Variants in SIGLEC9 observed in about 807,000 individuals in gnomAD.
SIGLEC9 encodes sialic acid-binding Ig-like lectin 9.
SIGLEC9 carries 26 observed loss-of-function variants against 38.3 expected under a neutral mutation model. The observed-to-expected ratio is 0.68, with a 90% CI of 0.50 to 0.94. The LOEUF is 0.94. SIGLEC9 is among the 40% of genes least tolerant of loss of function. The pLI is 0.00. For missense variants in SIGLEC9, 556 were observed against 585.7 expected, an observed-to-expected ratio of 0.95 and a Z score of 0.52; for synonymous variants, 236 against 248.0, an observed-to-expected ratio of 0.95 and a Z score of 0.45.
chr19:51,123,283 T>C (rs574611377), upstream of SIGLEC9, among the ~76,000 whole-genome samples: 6 of 152,260 alleles, frequency 3.9e-5, no homozygotes, highest in East Asian at 9.6e-4. Flanking sequence ...AGCTGTCCTG[T>C]CCCGCCTGAG....
At chr19:51,132,656 C>G (rs761378271), downstream of SIGLEC9, among the ~76,000 whole-genome samples, 1 of 152,208 alleles carries the variant, frequency 6.6e-6, no homozygotes, top group Non-Finnish European at 1.5e-5. Flanking sequence ...CGCCGCATCC[C>G]GCTCAGCTGG....
downstream of SIGLEC9, among the ~76,000 whole-genome samples, chr19:51,131,841 G>A (rs1030720177): frequency 5.3e-5 from 8 of 152,020 alleles, no homozygotes; most frequent in Non-Finnish European, 1.0e-4. Flanking sequence ...GCTTGAACCC[G>A]GGAGGCGGAG....
At chr19:51,136,071 A>G (rs2122865414) in exon 7 of SIGLEC9, 1 of 703,766 alleles carries the variant, frequency 1.4e-6, no homozygotes, top group Middle Eastern at 2.3e-4. Flanking sequence ...TATGTCTATC[A>G]TTTCAGTCAT....
chr19:51,120,787 G>T, upstream of SIGLEC9: 1 of 165,666 alleles, frequency 6.0e-6, no homozygotes, highest in Middle Eastern at 2.5e-3. This position sits in a 1 kb window ranked among gnomAD's most constrained non-coding sequence, Gnocchi z 4.1. Flanking sequence ...GGACCCCCAT[G>T]CCCAGGGCCC....
upstream of SIGLEC9, chr19:51,123,032 G>A (rs926022757): frequency 2.6e-5 from 4 of 152,506 alleles, no homozygotes; most frequent in African/African-American, 9.6e-5. Flanking sequence ...GAGGGGTGGA[G>A]GCCTGGGAAC....
At chr19:51,134,424 T>A (rs2092032834), downstream of SIGLEC9, among the ~76,000 whole-genome samples, 1 of 152,320 alleles carries the variant, frequency 6.6e-6, no homozygotes, top group African/African-American at 2.4e-5. Flanking sequence ...CCCAAAGTGC[T>A]GGGATTACAG....
At chr19:51,125,562 T>TTGGG in intron 1 of SIGLEC9, 35 bp from the exon 2 acceptor site, 1 of 1,605,380 alleles carries the variant, frequency 6.2e-7, no homozygotes, top group Non-Finnish European at 8.5e-7. Context: ...CCATGGATCC[T>TTGGG]CTGACCTGAT....
chr19:51,136,060 C>A lies in SIGLEC9; in HGVS notation c.1302C>A (p.Phe434Leu), dbSNP rs760104087. Reference sequence around the variant, plus strand: ...TTTGTTGCCATCCAGATTCTGAATTCTATGTCTATCATTTCAGTCATTTCA... The same window carrying A: ...TTTGTTGCCATCCAGATTCTGAATTATATGTCTATCATTTCAGTCATTTCA... Residue 434 changes from phenylalanine to leucine, a missense_variant, in exon 7 of 7, where the codon TTC (phenylalanine) becomes TTA (leucine). Physicochemically the swap from Phe to Leu is conservative, Grantham distance 22. Transcript: ENST00000440804. The A allele has an allele frequency of 3.1e-5, 22 of 703,828 alleles. 2 individuals carry two copies. Among genetic ancestry groups the A allele is most frequent in the Admixed American group, 4.0e-5 (2 of 50,008 alleles). 43.6% of individuals were successfully genotyped at this position (703,828 alleles called of 1,614,324 possible). A position where few individuals can be genotyped will look rare whatever the true frequency, so the allele number is the denominator to read the frequency against.
upstream of SIGLEC9, chr19:51,124,796 G>A: frequency 1.3e-6 from 1 of 763,214 alleles, no homozygotes; most frequent in Non-Finnish European, 2.1e-6. Context: ...GGATCTCCCA[G>A]GGCTGACCCG....
downstream of SIGLEC9, among the ~76,000 whole-genome samples, chr19:51,134,147 CTTTTTT>C (rs71185802): frequency 2.0e-4 from 13 of 66,522 alleles, no homozygotes; most frequent in South Asian, 2.4e-3. Flanking sequence ...TCTTTCTTTT[CTTTTTT>C]TTTTTTTTTT....
In SIGLEC9 at chr19:51,130,167, C is replaced by T; in HGVS notation, c.*88C>T. 1 of 1,501,684 alleles carries T rather than the reference C, an allele frequency of 6.7e-7. No homozygotes were observed. Among genetic ancestry groups the T allele is most frequent in the Non-Finnish European group, 8.9e-7 (1 of 1,127,402 alleles). The allele number at this position is 1,501,684 out of a possible 1,614,324, so 93.0% of individuals were successfully genotyped here. On this transcript the variant is annotated 3_prime_UTR_variant, in exon 7 of 7. Coordinates refer to ENST00000250360, the MANE Select transcript of SIGLEC9 (RefSeq NM_014441.3). ...AGGCTGATTCTTGTAGAATTAACAG[C>T]CCTCAACGTGATGAGCTATGATAAC...
upstream of SIGLEC9, chr19:51,124,804 C>G (rs558016279): frequency 2.2e-4 from 181 of 817,046 alleles, no homozygotes; most frequent in East Asian, 4.7e-3. Flanking sequence ...CAGGGCTGAC[C>G]CGGGCCTGAC....
chr19:51,132,936 G>A (rs2092024737), downstream of SIGLEC9, among the ~76,000 whole-genome samples: 1 of 151,814 alleles, frequency 6.6e-6, no homozygotes, highest in African/African-American at 2.4e-5. Flanking sequence ...GGTAATCCCT[G>A]TCAAAATTCC....
At chr19:51,122,438 T>G, upstream of SIGLEC9, among the ~76,000 whole-genome samples, 1 of 151,914 alleles carries the variant, frequency 6.6e-6, no homozygotes, top group Non-Finnish European at 1.5e-5. This position sits in a 1 kb window ranked among gnomAD's most constrained non-coding sequence, Gnocchi z 4.1. Flanking sequence ...AAAATTAACC[T>G]GGCGTGGCGG....
upstream of SIGLEC9, among the ~76,000 whole-genome samples, chr19:51,124,708 A>G (rs989627662): frequency 1.3e-5 from 2 of 151,792 alleles, no homozygotes; most frequent in Non-Finnish European, 1.5e-5. Context: ...TGGGCCCTGC[A>G]TGGGGTGGGA....
chr19:51,135,073 T>C (rs1003241096), downstream of SIGLEC9, among the ~76,000 whole-genome samples: 4 of 152,230 alleles, frequency 2.6e-5, no homozygotes, highest in African/African-American at 9.6e-5. Context: ...TATTGATATG[T>C]CAATATTGAG....
chr19:51,136,152 ATG>A lies in SIGLEC9; in HGVS notation c.1398_1399del (p.Ser467ArgfsTer17). 1 of 703,628 alleles carries A rather than the reference ATG, an allele frequency of 1.4e-6. No individual in the cohort carries two copies. The highest frequency in any genetic ancestry group is 2.6e-6 in the Non-Finnish European group (1 of 385,008). 43.6% of individuals were successfully genotyped at this position (703,628 alleles called of 1,614,324 possible). A position where few individuals can be genotyped will look rare whatever the true frequency, so the allele number is the denominator to read the frequency against. ...GAAGGTAAAATACTCTGGCTTTTGG[ATG>A]TGTCAGATTTCTTTCACTGGTTCTT... is the stretch of plus-strand genomic sequence containing the variant. On this transcript the variant is annotated frameshift_variant, in exon 7 of 7. Transcript: ENST00000440804. LOFTEE classifies it high-confidence loss of function.
At chr19:51,123,713 G>A (rs2091957375), upstream of SIGLEC9, among the ~76,000 whole-genome samples, 1 of 152,132 alleles carries the variant, frequency 6.6e-6, no homozygotes, top group Non-Finnish European at 1.5e-5. Context: ...CTCTAAGCAT[G>A]TTCATATGTG....
chr19:51,128,527 C>A lies in SIGLEC9; in HGVS notation c.1203+17C>A. The A allele has an allele frequency of 6.2e-7, 1 of 1,607,874 alleles. No homozygotes were observed. Among genetic ancestry groups the A allele is most frequent in the African/African-American group, 1.3e-5 (1 of 74,862 alleles). On this transcript the variant is annotated intron_variant, in intron 6 of 6. Transcript: ENST00000250360. Reference sequence around the variant, plus strand: ...GCCTCTCAGGTGAGTGATGTGGACTCTCCACAGCCAGCATGTAGCCTGGAC... The same window carrying A: ...GCCTCTCAGGTGAGTGATGTGGACTATCCACAGCCAGCATGTAGCCTGGAC...
Sources: allele counts gnomAD v4.1 joint callset (sites outside exome capture counted in the v4.1 genomes callset), GRCh38; gene constraint gnomAD v4.1.1; non-coding constraint Gnocchi (gnomAD v3.1); transcripts MANE v1.5; gene names NCBI Gene and HGNC (gene_info 2026-07-23, HGNC 2026-07-21).